MAF: variants seen among roughly 807,000 people sequenced by gnomAD.
MAF encodes the protein MAF bZIP transcription factor, also known as transcription factor Maf.
A neutral mutation model predicts 22.0 loss-of-function variants in MAF; 10 were observed. That is an observed-to-expected ratio of 0.45 (90% confidence interval 0.28 to 0.77). MAF has a LOEUF of 0.77. Ranked by LOEUF, MAF falls within the 30% of genes least tolerant of loss-of-function variation. The pLI is 0.12. For synonymous variants in MAF, 337 were observed against 255.8 expected (o/e 1.32, Z -3.03); for missense variants, 544 against 548.4 (o/e 0.99, Z 0.08).
the MAF span, among the ~76,000 whole-genome samples, chr16:79,308,296 G>A: frequency 6.6e-6 from 1 of 152,192 alleles, no homozygotes; most frequent in Admixed American, 6.5e-5. Context: ...GTTAAGTGAG[G>A]AACCAGACTT....
chr16:79,385,386 C>A, the MAF span, among the ~76,000 whole-genome samples: 16 of 152,146 alleles, frequency 1.1e-4, no homozygotes, highest in Non-Finnish European at 1.5e-4. Context: ...GTTTAAAATT[C>A]ATTTCATTTT....
the MAF span, among the ~76,000 whole-genome samples, chr16:79,300,160 G>C: frequency 2.0e-5 from 3 of 152,186 alleles, no homozygotes; most frequent in Non-Finnish European, 4.4e-5. Flanking sequence ...AGGCATAATG[G>C]CTAATGATTG....
the MAF span, among the ~76,000 whole-genome samples, chr16:79,389,673 T>A: frequency 2.0e-5 from 3 of 152,174 alleles, no homozygotes; most frequent in African/African-American, 7.2e-5. Context: ...TCTGTCATGT[T>A]TGCCATCAAA....
At chr16:79,365,004 A>G in the MAF span, among the ~76,000 whole-genome samples, 1 of 152,340 alleles carries the variant, frequency 6.6e-6, no homozygotes, top group South Asian at 2.1e-4. Flanking sequence ...GAGGCAAGAC[A>G]AAAGAAAATG....
At chr16:79,314,439 C>A in the MAF span, among the ~76,000 whole-genome samples, 2 of 152,190 alleles carry the variant, frequency 1.3e-5, no homozygotes, top group Non-Finnish European at 2.9e-5. Context: ...TGCAGTGAGG[C>A]AGCTGGCCAG....
the MAF span, among the ~76,000 whole-genome samples, chr16:79,333,986 G>A: frequency 6.6e-6 from 1 of 152,210 alleles, no homozygotes. Flanking sequence ...AGCTTTCTTA[G>A]GAGCATGCTT....
the MAF span, among the ~76,000 whole-genome samples, chr16:79,422,989 T>C: frequency 8.7e-4 from 132 of 152,116 alleles, 1 homozygote; most frequent in Middle Eastern, 3.4e-3. Context: ...CCAACTAGGA[T>C]AAGCAGGAAA....
the MAF span, among the ~76,000 whole-genome samples, chr16:79,287,375 C>T: frequency 2.0e-5 from 3 of 152,214 alleles, no homozygotes; most frequent in Admixed American, 2.0e-4. Context: ...CAAACCAGCC[C>T]CTTCCCGGTG....
chr16:79,246,912 C>T, the MAF span, among the ~76,000 whole-genome samples: 10 of 152,212 alleles, frequency 6.6e-5, no homozygotes, highest in African/African-American at 2.2e-4. Context: ...GTGCCAGGTA[C>T]TGTTTTAGGT....
the MAF span, among the ~76,000 whole-genome samples, chr16:79,399,373 C>T: frequency 6.6e-6 from 1 of 152,148 alleles, no homozygotes; most frequent in Admixed American, 6.5e-5. Flanking sequence ...AAGGAGGGAG[C>T]ACTGCTCACC....
the MAF span, among the ~76,000 whole-genome samples, chr16:79,297,931 T>C: frequency 6.6e-6 from 1 of 152,186 alleles, no homozygotes; most frequent in African/African-American, 2.4e-5. Context: ...ATCTCTTGGA[T>C]AGGACCCAGG....
chr16:79,238,469 G>A, the MAF span, among the ~76,000 whole-genome samples: 1 of 151,998 alleles, frequency 6.6e-6, no homozygotes, highest in Admixed American at 6.6e-5. Flanking sequence ...AAAGAAAGTG[G>A]AATCTGGGCT....
chr16:79,420,948 C>T, the MAF span, among the ~76,000 whole-genome samples: 6 of 151,800 alleles, frequency 4.0e-5, no homozygotes, highest in Admixed American at 1.3e-4. Flanking sequence ...ACAGGAGAAT[C>T]GCTGGAACCC....
At chr16:79,299,610 C>T in the MAF span, among the ~76,000 whole-genome samples, 1 of 152,116 alleles carries the variant, frequency 6.6e-6, no homozygotes, top group Non-Finnish European at 1.5e-5. Flanking sequence ...TTGCTCTGAG[C>T]ATTCCAGGCA....
At chr16:79,363,890 G>T in the MAF span, among the ~76,000 whole-genome samples, 1 of 152,174 alleles carries the variant, frequency 6.6e-6, no homozygotes, top group South Asian at 2.1e-4. Context: ...AAATAGCTCA[G>T]TATAGTTCAG....
chr16:79,207,759 A>G, the MAF span, among the ~76,000 whole-genome samples: 2 of 151,292 alleles, frequency 1.3e-5, no homozygotes, highest in African/African-American at 4.9e-5. Context: ...AGTACTAACC[A>G]ATGCATTACA....
At chr16:79,407,442 T>C in the MAF span, among the ~76,000 whole-genome samples, 2 of 152,180 alleles carry the variant, frequency 1.3e-5, no homozygotes, top group Non-Finnish European at 2.9e-5. Flanking sequence ...TTACAAGCCC[T>C]TTGAAAGTTT....
the MAF span, among the ~76,000 whole-genome samples, chr16:79,521,880 T>G: frequency 6.6e-6 from 1 of 152,206 alleles, no homozygotes; most frequent in Non-Finnish European, 1.5e-5. Flanking sequence ...AATATTAGAA[T>G]CATCATCTTA....
At chr16:79,451,712 C>T in the MAF span, among the ~76,000 whole-genome samples, 1,582 of 151,920 alleles carry the variant, frequency 0.01, 10 homozygotes, top group Non-Finnish European at 0.015. Context: ...AAAAAAATAC[C>T]CAAACAACAC....
Sources: gnomAD v4.1 joint callset for allele counts (sites outside exome capture counted in the v4.1 genomes callset) on GRCh38, gnomAD v4.1.1 for gene constraint, MANE v1.5 for transcripts, NCBI Gene and HGNC (gene_info 2026-07-23, HGNC 2026-07-21) for gene names.